CFAP157: variants seen among roughly 807,000 people sequenced by gnomAD.
CFAP157 encodes cilia and flagella associated protein 157, also known as cilia- and flagella-associated protein 157.
Under a neutral mutation model 57.8 loss-of-function variants are expected in CFAP157, and 43 were observed. The ratio of observed to expected loss-of-function variants is 0.74; its 90% CI spans 0.58 to 0.96. The LOEUF (loss-of-function observed/expected upper bound fraction) is 0.96. Among genes scored for constraint, CFAP157 ranks in the 40% least tolerant of loss-of-function variants. The pLI, the probability that CFAP157 is intolerant of heterozygous loss-of-function variation, is 0.00. For synonymous variants in CFAP157, 267 were observed against 269.0 expected (o/e 0.99, Z 0.07); for missense variants, 606 against 655.3 (o/e 0.92, Z 0.82).
In CFAP157 at chr9:127,709,323, C is replaced by CA; in HGVS notation, c.162-99_162-98insA. 1 of 1,292,140 alleles carries CA rather than the reference C, an allele frequency of 7.7e-7. No individual in the cohort carries two copies. The highest frequency in any genetic ancestry group is 2.5e-5 in the East Asian group (1 of 39,684). The allele number at this position is 1,292,140 out of a possible 1,614,324, so 80.0% of individuals were successfully genotyped here. ...CTGATCACAAGGAAACTCAAATGCCCCTTTACGGGACAGGGAGTCCAGGAG... is the reference window on the plus strand; with the variant it reads ...CTGATCACAAGGAAACTCAAATGCCCACTTTACGGGACAGGGAGTCCAGGAG... On this transcript the variant is annotated intron_variant, in intron 1 of 8. Transcript: ENST00000373295. The surrounding 1 kb of genome is among the most constrained non-coding windows in gnomAD (Gnocchi z 4.7).
At chr9:127,707,257 A>T (rs1395252361) in intron 1 of CFAP157, 65 bp downstream of exon 1, 1 of 1,566,924 alleles carries the variant, frequency 6.4e-7, no homozygotes, top group African/African-American at 1.4e-5. Context: ...GGTGGCCCCC[A>T]TGCAGGTTTG....
Position 127,715,327 on chromosome 9 carries a change from G to C in CFAP157, c.*1422G>C. The stretch of plus-strand genomic sequence containing the variant: ...CAGTGGGGAAGGGGCGCGAAGAAGG[G>C]GCCCAGAAACCCGACCCCTGAGAAC... On this transcript the variant is annotated 3_prime_UTR_variant, in exon 9 of 9. Transcript: ENST00000373295. The surrounding 1 kb of genome is among the most constrained non-coding windows in gnomAD (Gnocchi z 5.8). 7.8e-7 allele frequency: 1 copy of C among 1,285,652 alleles called. No individual in the cohort carries two copies. Among genetic ancestry groups the C allele is most frequent in the Non-Finnish European group, 1.1e-6 (1 of 918,272 alleles). The allele number at this position is 1,285,652 out of a possible 1,614,324, so 79.6% of individuals were successfully genotyped here. A position where few individuals can be genotyped will look rare whatever the true frequency, so the allele number is the denominator to read the frequency against.
At chr9:127,711,599 G>A in intron 4 of CFAP157, 103 bp downstream of exon 4, 1 of 1,440,456 alleles carries the variant, frequency 6.9e-7, no homozygotes. Context: ...TCAGGAGGGA[G>A]GGAGGCAGCA....
Position 127,714,138 on chromosome 9 carries a change from T to C in CFAP157, c.*233T>C. On this transcript the variant is annotated 3_prime_UTR_variant, in exon 9 of 9. Coordinates refer to ENST00000373295, the MANE Select transcript of CFAP157 (RefSeq NM_001012502.3). ...GAGGGCCCCTGGCTTCGCTCACGGATGTGGTCCAAGATCAGGTCGGTGGCT... is the reference window on the plus strand; with the variant it reads ...GAGGGCCCCTGGCTTCGCTCACGGACGTGGTCCAAGATCAGGTCGGTGGCT... 1 of 1,613,726 alleles carries C rather than the reference T, an allele frequency of 6.2e-7. No individual in the cohort carries two copies. The highest frequency in any genetic ancestry group is 1.1e-5 in the South Asian group (1 of 91,066).
intron 7 of CFAP157, 51 bp from the exon 8 acceptor site, chr9:127,712,969 C>T (rs766008254): frequency 3.7e-6 from 6 of 1,600,656 alleles, no homozygotes; most frequent in Non-Finnish European, 4.3e-6. Context: ...CACCCTGGGC[C>T]AGAAACCTGG....
At position 127,715,800 on chromosome 9, in the gene CFAP157, C is replaced by A; in HGVS notation, c.*1895C>A. Reference sequence around the variant, plus strand: ...GGAAGCGGCGAGGCGGTGGCCGAGTCCGGGAACCCAGGCGCCTTCAGTAGC... The same window carrying A: ...GGAAGCGGCGAGGCGGTGGCCGAGTACGGGAACCCAGGCGCCTTCAGTAGC... On this transcript the variant is annotated 3_prime_UTR_variant, in exon 9 of 9. Transcript: ENST00000373295. This position sits in a 1 kb window ranked among gnomAD's most constrained non-coding sequence, Gnocchi z 5.8. The A allele has an allele frequency of 2.1e-6, 3 of 1,414,862 alleles. No individual in the cohort carries two copies. The highest frequency in any genetic ancestry group is 2.8e-6 in the Non-Finnish European group (3 of 1,056,724). 87.6% of individuals were successfully genotyped at this position (1,414,862 alleles called of 1,614,324 possible). A position where few individuals can be genotyped will look rare whatever the true frequency, so the allele number is the denominator to read the frequency against.
rs541929555 is a variant in CFAP157, at chr9:127,715,315, G to A, written c.*1410G>A. On this transcript the variant is annotated 3_prime_UTR_variant, in exon 9 of 9. Coordinates refer to ENST00000373295, the MANE Select transcript of CFAP157 (RefSeq NM_001012502.3). The surrounding 1 kb of genome is among the most constrained non-coding windows in gnomAD (Gnocchi z 5.8). ...AGAGCAACGCTGCAGTGGGGAAGGGGCGCGAAGAAGGGGCCCAGAAACCCG... is the reference window on the plus strand; with the variant it reads ...AGAGCAACGCTGCAGTGGGGAAGGGACGCGAAGAAGGGGCCCAGAAACCCG... 2.4e-4 allele frequency: 311 copies of A among 1,311,848 alleles called. 2 individuals carry two copies. The South Asian group carries it at 2.9e-3, about 12-fold the overall frequency. 81.3% of individuals were successfully genotyped at this position (1,311,848 alleles called of 1,614,324 possible). A position where few individuals can be genotyped will look rare whatever the true frequency, so the allele number is the denominator to read the frequency against.
rs746828810 is a variant in CFAP157 at position 127,714,089 on chromosome 9, G to A, written c.*184G>A. On this transcript the variant is annotated 3_prime_UTR_variant, in exon 9 of 9. Coordinates refer to ENST00000373295, the MANE Select transcript of CFAP157 (RefSeq NM_001012502.3). ...GCACTACAGTCAGGCAGGCAGCCAT[G>A]GCCACTAGTGTCACGGCCCCAGTGA... 1.2e-6 allele frequency: 2 copies of A among 1,610,354 alleles called. No individual in the cohort carries two copies. The highest frequency in any genetic ancestry group is 2.7e-5 in the African/African-American group (2 of 74,880).
At chr9:127,713,770 G>A (rs1383238742) in intron 8 of CFAP157, 64 bp from the exon 9 acceptor site, 7 of 1,401,508 alleles carry the variant, frequency 5.0e-6, no homozygotes, top group South Asian at 4.6e-5. Context: ...GCCTCCCAAA[G>A]TGCTGGGATT....
rs1238797227 is a variant in CFAP157 at position 127,710,641 on chromosome 9, AGAG to A, written c.479_481del (p.Glu160del). The A allele has an allele frequency of 6.3e-7, 1 of 1,587,320 alleles. No homozygotes were observed. The highest frequency in any genetic ancestry group is 1.1e-5 in the South Asian group (1 of 87,020). ...CCCTGGAGGAGTTCCGGCTGCAGAA[AGAG>A]GAGGTCACGGACAAGTTCACATTGC... On this transcript the variant is annotated inframe_deletion, in exon 3 of 9. Coordinates refer to ENST00000373295, the MANE Select transcript of CFAP157 (RefSeq NM_001012502.3).
chr9:127,713,217 C>T lies in CFAP157; in HGVS notation c.1491+11C>T, dbSNP rs1260752880. On this transcript the variant is annotated intron_variant, in intron 8 of 8. Coordinates refer to ENST00000373295, the MANE Select transcript of CFAP157 (RefSeq NM_001012502.3). The stretch of plus-strand genomic sequence containing the variant: ...CACAGCAGCCCTGAGGTGAGGGTGC[C>T]AGGGGCCCCAGGGAAAGCAAGGTGG... 1.3e-6 allele frequency: 2 copies of T among 1,515,704 alleles called. No homozygotes were observed. Among genetic ancestry groups the T allele is most frequent in the African/African-American group, 1.4e-5 (1 of 71,832 alleles). The allele number at this position is 1,515,704 out of a possible 1,614,324, so 93.9% of individuals were successfully genotyped here.
intron 1 of CFAP157, among the ~76,000 whole-genome samples, chr9:127,708,442 A>T (rs1185536817): frequency 6.6e-6 from 1 of 152,176 alleles, no homozygotes; most frequent in African/African-American, 2.4e-5. Flanking sequence ...GTGCCACTGC[A>T]CTCCAACCTG....
rs1293308484 is a variant in CFAP157 at position 127,715,185 on chromosome 9, G to A, written c.*1280G>A. On this transcript the variant is annotated 3_prime_UTR_variant, in exon 9 of 9. Coordinates refer to ENST00000373295, the MANE Select transcript of CFAP157 (RefSeq NM_001012502.3). This position sits in a 1 kb window ranked among gnomAD's most constrained non-coding sequence, Gnocchi z 5.8. ...GTGCCGGGCAGTCCGGGATTCCCCA[G>A]GCCAGCCACCTGCGGGCGGCACCAG... The A allele has an allele frequency of 1.3e-6, 2 of 1,527,308 alleles. No individual in the cohort carries two copies. The highest frequency in any genetic ancestry group is 2.4e-5 in the South Asian group (2 of 83,406). 94.6% of individuals were successfully genotyped at this position (1,527,308 alleles called of 1,614,324 possible).
rs765141180 is a variant in CFAP157 at position 127,715,975 on chromosome 9, C to T, written c.*2070C>T. ...CTTTCCCCGCTGTAGGCCTCAACCT[C>T]TCCAGCTAATAAAAGTTTTCTACCT... On this transcript the variant is annotated 3_prime_UTR_variant, in exon 9 of 9. Coordinates refer to ENST00000373295, the MANE Select transcript of CFAP157 (RefSeq NM_001012502.3). The surrounding 1 kb of genome is among the most constrained non-coding windows in gnomAD (Gnocchi z 5.8). 8 of 969,778 alleles carry T rather than the reference C, an allele frequency of 8.2e-6. No homozygotes were observed. The highest frequency in any genetic ancestry group is 1.3e-5 in the Non-Finnish European group (8 of 637,076). 60.1% of individuals were successfully genotyped at this position (969,778 alleles called of 1,614,324 possible). A position where few individuals can be genotyped will look rare whatever the true frequency, so the allele number is the denominator to read the frequency against.
At position 127,712,361 on chromosome 9, in the gene CFAP157, G is replaced by GGA. The variant is rs1446044631; in HGVS notation, c.1137+18_1137+19dup. The GGA allele has an allele frequency of 3.1e-6, 5 of 1,613,224 alleles. No individual in the cohort carries two copies. In the Admixed American group the frequency reaches 8.3e-5, roughly 27 times the overall value. Reference sequence around the variant, plus strand: ...AGAACATTCTGCAGGTGAGCAGAAGGGAGAGAGGGAGGGCGCAAGGGGAGG... The same window carrying GGA: ...AGAACATTCTGCAGGTGAGCAGAAGGGAGAGAGAGGGAGGGCGCAAGGGGAGG... On this transcript the variant is annotated intron_variant, in intron 6 of 8. Transcript: ENST00000373295.
rs199544858 is a variant in CFAP157 at position 127,706,989 on chromosome 9, C to A, written c.-43C>A. On this transcript the variant is annotated 5_prime_UTR_variant, in exon 1 of 9. Transcript: ENST00000373295. ...ACGGGACCAGCTTCCTTAGCAACCA[C>A]CTGGCCTCTTCCTGGGGCCTGGAGC... 6.2e-7 allele frequency: 1 copy of A among 1,606,944 alleles called. No homozygotes were observed. Among genetic ancestry groups the A allele is most frequent in the Non-Finnish European group, 8.5e-7 (1 of 1,176,180 alleles).
Position 127,713,979 on chromosome 9 carries a change from G to C in CFAP157, c.*74G>C. The stretch of plus-strand genomic sequence containing the variant: ...TCACCCCCACTTTAATCCGCAGGCA[G>C]CCTGGAACAGTCTAGAGGAGATTTG... On this transcript the variant is annotated 3_prime_UTR_variant, in exon 9 of 9. Transcript: ENST00000373295. The C allele has an allele frequency of 1.3e-6, 2 of 1,578,118 alleles. No homozygotes were observed. The highest frequency in any genetic ancestry group is 1.7e-6 in the Non-Finnish European group (2 of 1,147,772).
rs1280235869 is a variant in CFAP157 at position 127,715,013 on chromosome 9, C to T, written c.*1108C>T. The T allele has an allele frequency of 1.8e-5, 27 of 1,466,878 alleles. No individual in the cohort carries two copies. Among genetic ancestry groups the T allele is most frequent in the Middle Eastern group, 2.4e-4 (1 of 4,158 alleles). The allele number at this position is 1,466,878 out of a possible 1,614,324, so 90.9% of individuals were successfully genotyped here. A position where few individuals can be genotyped will look rare whatever the true frequency, so the allele number is the denominator to read the frequency against. On this transcript the variant is annotated 3_prime_UTR_variant, in exon 9 of 9. Coordinates refer to ENST00000373295, the MANE Select transcript of CFAP157 (RefSeq NM_001012502.3). This position sits in a 1 kb window ranked among gnomAD's most constrained non-coding sequence, Gnocchi z 5.8. ...GCTGCGCCCGTTGGCGTTCATAAGCCGCCGTGGCCGGAGCAGGACCAGTTG... is the reference window on the plus strand; with the variant it reads ...GCTGCGCCCGTTGGCGTTCATAAGCTGCCGTGGCCGGAGCAGGACCAGTTG...
chr9:127,712,429 G>A, intron 6 of CFAP157, 80 bp downstream of exon 6: 2 of 1,558,612 alleles, frequency 1.3e-6, no homozygotes, highest in Non-Finnish European at 1.7e-6. Context: ...AGAAGGGGCT[G>A]CCTCAGGATC....
Sources: allele counts gnomAD v4.1 joint callset (sites outside exome capture counted in the v4.1 genomes callset), GRCh38; gene constraint gnomAD v4.1.1; non-coding constraint Gnocchi (gnomAD v3.1); transcripts MANE v1.5; gene names NCBI Gene and HGNC (gene_info 2026-07-23, HGNC 2026-07-21).